Variants in NEGR1 observed in about 807,000 individuals in gnomAD.
NEGR1 encodes the protein neuronal growth regulator 1.
A neutral mutation model predicts 40.9 loss-of-function variants in NEGR1; 10 were observed. The ratio of observed to expected loss-of-function variants is 0.24; its 90% CI spans 0.15 to 0.42. The LOEUF (loss-of-function observed/expected upper bound fraction) is 0.42, where lower values mean the gene tolerates loss of function less well. Ranked by LOEUF, NEGR1 falls within the 10% of genes least tolerant of loss-of-function variation. The pLI is 1.00. For missense variants in NEGR1, 352 were observed against 438.9 expected (o/e 0.80, Z 1.77); for synonymous variants, 185 against 166.8 (o/e 1.11, Z -0.84).
intron 4 of NEGR1, among the ~76,000 whole-genome samples, chr1:71,671,865 G>A (rs1005103102): frequency 2.0e-5 from 3 of 149,982 alleles, no homozygotes; most frequent in African/African-American, 7.4e-5. Flanking sequence ...AATTTTGAAG[G>A]CATATTTTAT....
At chr1:72,097,464 C>T (rs1648745989) in intron 1 of NEGR1, among the ~76,000 whole-genome samples, 1 of 152,136 alleles carries the variant, frequency 6.6e-6, no homozygotes, top group Non-Finnish European at 1.5e-5. Context: ...GCACAGGACT[C>T]TGATTTGTAC....
intron 6 of NEGR1, among the ~76,000 whole-genome samples, chr1:71,520,677 C>T (rs560613298): frequency 6.6e-6 from 1 of 152,114 alleles, no homozygotes; most frequent in East Asian, 1.9e-4. Context: ...ATAAGTAGTA[C>T]CTCATTTCAG....
chr1:71,975,384 A>T (rs1325000200), intron 1 of NEGR1, among the ~76,000 whole-genome samples: 2 of 152,196 alleles, frequency 1.3e-5, no homozygotes, highest in Non-Finnish European at 2.9e-5. Flanking sequence ...ATATTAAAAA[A>T]TACTGCAACC....
At chr1:72,191,701 G>A (rs1283813044) in intron 1 of NEGR1, among the ~76,000 whole-genome samples, 1 of 151,692 alleles carries the variant, frequency 6.6e-6, no homozygotes, top group Non-Finnish European at 1.5e-5. Context: ...GCATATCAAA[G>A]TCCACCTTTA....
intron 4 of NEGR1, among the ~76,000 whole-genome samples, chr1:71,654,608 C>A (rs950046228): frequency 2.0e-5 from 3 of 151,836 alleles, no homozygotes; most frequent in African/African-American, 7.3e-5. Flanking sequence ...TATTCTGTAC[C>A]CTGAACATAT....
intron 3 of NEGR1, among the ~76,000 whole-genome samples, chr1:71,731,544 C>G (rs1208729048): frequency 1.5e-4 from 23 of 152,148 alleles, no homozygotes; most frequent in Admixed American, 1.5e-3. Context: ...TGGTTAAGAG[C>G]AATAAGTGGA....
intron 6 of NEGR1, among the ~76,000 whole-genome samples, chr1:71,579,553 A>C (rs1354501196): frequency 6.6e-6 from 1 of 152,030 alleles, no homozygotes; most frequent in African/African-American, 2.4e-5. Context: ...AAAATAATAC[A>C]ACTACTTAAG....
chr1:71,670,555 G>GT lies in NEGR1; in HGVS notation c.667+27452dup, dbSNP rs1371969100. Among the ~76,000 whole-genome samples the GT allele has an allele frequency of 2.7e-5, 4 of 150,880 alleles. No homozygotes were observed. In the East Asian group the frequency reaches 5.8e-4, roughly 22 times the overall value. ...CAAACAATTTTAATAAGTTGTAACA[G>GT]TTTTTTACTTTTTTTTTTGAGATGG... On this transcript the variant is annotated intron_variant, in intron 4 of 6. Transcript: ENST00000357731.
At chr1:71,766,765 T>C (rs1427421184) in intron 3 of NEGR1, among the ~76,000 whole-genome samples, 1 of 152,220 alleles carries the variant, frequency 6.6e-6, no homozygotes, top group Non-Finnish European at 1.5e-5. Context: ...GGGAGGTAAC[T>C]GGATCATGGG....
At chr1:71,626,744 C>T (rs1372064800) in intron 4 of NEGR1, among the ~76,000 whole-genome samples, 1 of 152,026 alleles carries the variant, frequency 6.6e-6, no homozygotes, top group Non-Finnish European at 1.5e-5. Context: ...ATCTACTCAT[C>T]TGACAAAGGA....
At chr1:72,100,402 C>T (rs76736979) in intron 1 of NEGR1, among the ~76,000 whole-genome samples, 5,136 of 152,146 alleles carry the variant, frequency 0.034, 284 homozygotes, top group African/African-American at 0.12. Flanking sequence ...AACTCATGTA[C>T]CTCAACTAAT....
chr1:71,428,503 C>T (rs748939374), intron 6 of NEGR1, among the ~76,000 whole-genome samples: 4 of 152,002 alleles, frequency 2.6e-5, no homozygotes, highest in Non-Finnish European at 5.9e-5. Context: ...CAGCAAAATG[C>T]GTAGCTGAAA....
chr1:71,902,490 C>T (rs1437840893), intron 2 of NEGR1, among the ~76,000 whole-genome samples: 3 of 152,160 alleles, frequency 2.0e-5, no homozygotes, highest in East Asian at 3.8e-4. Context: ...ACCTGTTCTA[C>T]CCATTGTATT....
intron 1 of NEGR1, among the ~76,000 whole-genome samples, chr1:72,221,937 T>C (rs553922354): frequency 6.6e-6 from 1 of 151,886 alleles, no homozygotes; most frequent in Non-Finnish European, 1.5e-5. Flanking sequence ...CACAGATATA[T>C]GTTCTAGGCC....
chr1:71,731,243 C>T (rs1258088384), intron 3 of NEGR1, among the ~76,000 whole-genome samples: 1 of 152,098 alleles, frequency 6.6e-6, no homozygotes, highest in Non-Finnish European at 1.5e-5. Context: ...GAAAAAAATA[C>T]CATATGACAT....
intron 6 of NEGR1, among the ~76,000 whole-genome samples, chr1:71,441,766 A>G (rs1194858297): frequency 6.6e-6 from 1 of 152,236 alleles, no homozygotes; most frequent in Non-Finnish European, 1.5e-5. Flanking sequence ...TTCAAGGGGT[A>G]ACTGCAGTGG....
intron 1 of NEGR1, among the ~76,000 whole-genome samples, chr1:72,055,710 G>A (rs985380508): frequency 2.3e-4 from 35 of 149,392 alleles, no homozygotes; most frequent in African/African-American, 4.9e-5. Flanking sequence ...GATGTATTTG[G>A]AAAAATATAA....
At chr1:71,648,381 C>T (rs898717399) in intron 4 of NEGR1, among the ~76,000 whole-genome samples, 8 of 151,900 alleles carry the variant, frequency 5.3e-5, no homozygotes, top group Admixed American at 3.9e-4. Flanking sequence ...ATTCTGATAA[C>T]ATCAAAGAAT....
At chr1:71,689,358 T>A (rs1653175267) in intron 4 of NEGR1, among the ~76,000 whole-genome samples, 1 of 152,240 alleles carries the variant, frequency 6.6e-6, no homozygotes, top group South Asian at 2.1e-4. Flanking sequence ...GAGTAGGTGG[T>A]ACCAGAGAGT....
Sources: gnomAD v4.1 joint callset for allele counts (sites outside exome capture counted in the v4.1 genomes callset) on GRCh38, gnomAD v4.1.1 for gene constraint, MANE v1.5 for transcripts, NCBI Gene and HGNC (gene_info 2026-07-23, HGNC 2026-07-21) for gene names.